Variants in HTRA3 observed in about 807,000 individuals in gnomAD.
HTRA3 encodes the protein serine protease HTRA3.
In HTRA3, 41 loss-of-function variants were observed where a neutral mutation model predicts 43.2. That is an observed-to-expected ratio of 0.95 (90% CI 0.74 to 1.23). The LOEUF (loss-of-function observed/expected upper bound fraction) is 1.23. HTRA3 is among the 50% of genes most tolerant of loss of function. The probability of loss-of-function intolerance (pLI) is 0.00; values close to 1 mark genes in which losing one functional copy is unlikely to be tolerated. For missense variants in HTRA3, 628 were observed against 647.1 expected, an observed-to-expected ratio of 0.97 and a Z score of 0.32; for synonymous variants, 295 against 287.9, an observed-to-expected ratio of 1.02 and a Z score of -0.25.
intron 1 of HTRA3, among the ~76,000 whole-genome samples, chr4:8,276,503 G>A (rs1025626162): frequency 2.6e-5 from 4 of 152,248 alleles, no homozygotes; most frequent in Non-Finnish European, 5.9e-5. Flanking sequence ...TGGCCCTGCC[G>A]GAGGGAGTTT....
At chr4:8,277,281 C>G (rs1016813413) in intron 1 of HTRA3, among the ~76,000 whole-genome samples, 3 of 152,192 alleles carry the variant, frequency 2.0e-5, no homozygotes, top group Admixed American at 6.5e-5. Context: ...ACTAGTTAGA[C>G]CCAGGAGGCA....
At chr4:8,284,555 C>T (rs1578795079) in intron 2 of HTRA3, among the ~76,000 whole-genome samples, 1 of 152,244 alleles carries the variant, frequency 6.6e-6, no homozygotes, top group African/African-American at 2.4e-5. Context: ...CAGTGGGCAG[C>T]CGCGGGCATT....
At chr4:8,292,011 C>G (rs995220564) in intron 4 of HTRA3, among the ~76,000 whole-genome samples, 6 of 152,208 alleles carry the variant, frequency 3.9e-5, no homozygotes, top group South Asian at 2.1e-4. Flanking sequence ...AGGGCCCCCC[C>G]AGGCCAGCAG....
At chr4:8,298,085 C>T (rs979536349) in intron 6 of HTRA3, among the ~76,000 whole-genome samples, 4 of 152,244 alleles carry the variant, frequency 2.6e-5, no homozygotes, top group African/African-American at 9.6e-5. Flanking sequence ...CACCGGGGCA[C>T]TCGCTGCCCT....
At chr4:8,303,819 A>G (rs1335139208) in intron 7 of HTRA3, among the ~76,000 whole-genome samples, 2 of 136,300 alleles carry the variant, frequency 1.5e-5, no homozygotes, top group Non-Finnish European at 3.2e-5. Context: ...GTGACTCAGC[A>G]TTGTCTGTCC....
rs1253826278 is a variant in HTRA3 at position 8,270,026 on chromosome 4, C to T, written c.58C>T (p.Pro20Ser). 2.2e-6 allele frequency: 3 copies of T among 1,335,938 alleles called. No homozygotes were observed. The highest frequency in any genetic ancestry group is 2.9e-6 in the Non-Finnish European group (3 of 1,049,372). 82.8% of individuals were successfully genotyped at this position (1,335,938 alleles called of 1,614,324 possible). ...GGCCGCGCTGGCGCTGGCCCGGGAG[C>T]CCCCTGCGGCGCCGTGTCCCGCGCG... Reference protein sequence around the residue: ...ALAALALAREPPAAPCPARCD... With the variant: ...ALAALALARESPAAPCPARCD... Residue 20 changes from proline to serine, a missense_variant, in exon 1 of 9, where the codon CCC becomes TCC. By Grantham distance (74) the Pro-to-Ser change is moderately conservative. Transcript: ENST00000307358.
chr4:8,274,249 G>A (rs540370324), intron 1 of HTRA3, among the ~76,000 whole-genome samples: 1 of 152,334 alleles, frequency 6.6e-6, no homozygotes, highest in South Asian at 2.1e-4. Flanking sequence ...CCACTGCCCG[G>A]CGTTTCCTTC....
intron 6 of HTRA3, among the ~76,000 whole-genome samples, chr4:8,294,422 G>C (rs950101464): frequency 1.3e-5 from 2 of 151,764 alleles, no homozygotes; most frequent in Admixed American, 6.6e-5. Context: ...ATCGATTCGT[G>C]ATCGGCTTCA....
intron 1 of HTRA3, among the ~76,000 whole-genome samples, chr4:8,271,570 G>C (rs1369291858): frequency 6.6e-6 from 1 of 152,222 alleles, no homozygotes; most frequent in South Asian, 2.1e-4. Context: ...TACAACGCCT[G>C]AGACTGGGCA....
intron 2 of HTRA3, among the ~76,000 whole-genome samples, chr4:8,283,252 G>T (rs910300264): frequency 6.6e-6 from 1 of 152,188 alleles, no homozygotes; most frequent in Non-Finnish European, 1.5e-5. Flanking sequence ...TAGGGAAGCG[G>T]GATGTCCCAG....
At chr4:8,292,181 A>C in intron 4 of HTRA3, 140 bp from the exon 5 acceptor site, 1 of 676,192 alleles carries the variant, frequency 1.5e-6, no homozygotes, top group Non-Finnish European at 2.6e-6. Context: ...AAATGGGGGC[A>C]GCACTGAGGC....
Position 8,286,776 on chromosome 4 carries a change from A to G in HTRA3, c.701A>G (p.His234Arg), listed in dbSNP as rs1405659610. 1.9e-6 allele frequency: 3 copies of G among 1,612,064 alleles called. No homozygotes were observed. Among genetic ancestry groups the G allele is most frequent in the South Asian group, 2.2e-5 (2 of 91,046 alleles). ...TCGGACATTGCCACCATCAAGATCC[A>G]TCCCAAGGTGGGTGGGCGTGGGTGG... ...KKSDIATIKI[H>R]PKKKLPVLLL... is the part of the protein sequence containing the mutation. The change falls in exon 3 of 9, where the codon CAT becomes CGT. Residue 234 changes from histidine to arginine, a missense_variant. Coordinates refer to ENST00000307358, the MANE Select transcript of HTRA3 (RefSeq NM_053044.5). The surrounding 1 kb of genome is among the most constrained non-coding windows in gnomAD (Gnocchi z 4.9).
chr4:8,271,974 CGTT>C (rs769358004), intron 1 of HTRA3, among the ~76,000 whole-genome samples: 38 of 152,254 alleles, frequency 2.5e-4, no homozygotes, highest in Middle Eastern at 3.4e-3. Context: ...GTCTTGGAGA[CGTT>C]GTCATTGACT....
Position 8,286,741 on chromosome 4 carries a change from C to T in HTRA3, c.666C>T (p.Ile222=), listed in dbSNP as rs1259471072. ...GDSYEATIKD[I]DKKSDIATIK... is the part of the protein sequence containing the mutation. ...CCTATGAGGCCACCATCAAAGACAT[C>T]GACAAGAAGTCGGACATTGCCACCA... Residue 222 remains isoleucine (I), a synonymous_variant, in exon 3 of 9, where the codon ATC becomes ATT. Transcript: ENST00000307358. This position sits in a 1 kb window ranked among gnomAD's most constrained non-coding sequence, Gnocchi z 4.9. The T allele has an allele frequency of 1.7e-5, 28 of 1,613,950 alleles. No homozygotes were observed. The Admixed American group carries it at 3.3e-4, about 19-fold the overall frequency.
At position 8,291,350 on chromosome 4, in the gene HTRA3, C is replaced by T; in HGVS notation, c.709-20C>T. On this transcript the variant is annotated intron_variant, in intron 3 of 8. Coordinates refer to ENST00000307358, the MANE Select transcript of HTRA3 (RefSeq NM_053044.5). ...GACGGCTAAGCCTCCCTCTCTGTGT[C>T]TTCTCCTTCTCTCTCCTAGAAAAAG... is the stretch of plus-strand genomic sequence containing the variant. The T allele has an allele frequency of 1.2e-6, 2 of 1,606,006 alleles. No homozygotes were observed. Among genetic ancestry groups the T allele is most frequent in the Non-Finnish European group, 1.7e-6 (2 of 1,173,480 alleles).
intron 5 of HTRA3, 53 bp downstream of exon 5, chr4:8,292,406 T>TG (rs1351903381): frequency 6.7e-7 from 1 of 1,493,260 alleles, no homozygotes; most frequent in African/African-American, 1.4e-5. Flanking sequence ...TCTTCTCACA[T>TG]GGGGGTGCTC....
Position 8,279,657 on chromosome 4 carries a change from A to T in HTRA3, c.386-2780A>T, listed in dbSNP as rs1457440494. Among the ~76,000 whole-genome samples the T allele has an allele frequency of 1.3e-5, 2 of 152,208 alleles. No individual in the cohort carries two copies. The highest frequency in any genetic ancestry group is 1.9e-4 in the East Asian group (1 of 5,166). ...CTTTTCTAATCACCTGTGGGAGGAG[A>T]GGTGCTGCCATTCCTCCTTCTGCTG... On this transcript the variant is annotated intron_variant, in intron 1 of 8. Coordinates refer to ENST00000307358, the MANE Select transcript of HTRA3 (RefSeq NM_053044.5). This position sits in a 1 kb window ranked among gnomAD's most constrained non-coding sequence, Gnocchi z 7.4.
At chr4:8,288,100 C>A (rs1269371226) in intron 3 of HTRA3, among the ~76,000 whole-genome samples, 1 of 152,194 alleles carries the variant, frequency 6.6e-6, no homozygotes, top group Non-Finnish European at 1.5e-5. Context: ...AGGGGGTTTC[C>A]TCTTGCCCCA....
intron 2 of HTRA3, among the ~76,000 whole-genome samples, chr4:8,285,909 A>G (rs1288268155): frequency 6.6e-6 from 1 of 152,184 alleles, no homozygotes; most frequent in Non-Finnish European, 1.5e-5. Context: ...GTGAGGGTAG[A>G]GGGAGGTGGG....
Sources: allele counts gnomAD v4.1 joint callset (sites outside exome capture counted in the v4.1 genomes callset), GRCh38; gene constraint gnomAD v4.1.1; non-coding constraint Gnocchi (gnomAD v3.1); transcripts MANE v1.5; gene names NCBI Gene and HGNC (gene_info 2026-07-23, HGNC 2026-07-21).